Variants in CFAP61 observed in about 807,000 individuals in gnomAD.
CFAP61 encodes the protein cilia- and flagella-associated protein 61.
A neutral mutation model predicts 135.6 loss-of-function variants in CFAP61; 107 were observed. The ratio of observed to expected loss-of-function variants is 0.79; its 90% CI spans 0.67 to 0.93. CFAP61 has a LOEUF of 0.93. Ranked by LOEUF, CFAP61 falls within the 40% of genes least tolerant of loss-of-function variation. CFAP61 has a pLI of 0.00. For synonymous variants in CFAP61, 575 were observed against 578.5 expected (o/e 0.99, Z 0.09); for missense variants, 1,507 against 1,556.2 (o/e 0.97, Z 0.53).
intron 25 of CFAP61, among the ~76,000 whole-genome samples, chr20:20,318,542 C>T (rs1056663396): frequency 1.2e-4 from 19 of 152,190 alleles, no homozygotes; most frequent in Non-Finnish European, 1.9e-4. Context: ...TGATTTGAAA[C>T]GCCGTTGGCC....
intron 6 of CFAP61, among the ~76,000 whole-genome samples, chr20:20,084,650 G>A (rs543269428): frequency 6.6e-6 from 1 of 152,154 alleles, no homozygotes. Context: ...ATCAGGCTGC[G>A]AGGGAGAGTT....
chr20:20,212,971 G>C (rs1013890456), intron 17 of CFAP61, among the ~76,000 whole-genome samples: 1 of 152,172 alleles, frequency 6.6e-6, no homozygotes, highest in Admixed American at 6.5e-5. Context: ...GTGTCCGGTG[G>C]CAGCAAGTGC....
chr20:20,204,195 C>G (rs2056759382), intron 17 of CFAP61, among the ~76,000 whole-genome samples: 1 of 152,158 alleles, frequency 6.6e-6, no homozygotes, highest in Non-Finnish European at 1.5e-5. Flanking sequence ...ACCCTTCATC[C>G]TTCCTGAGCA....
intron 9 of CFAP61, among the ~76,000 whole-genome samples, chr20:20,156,719 AAT>A (rs1176435499): frequency 6.6e-6 from 1 of 152,218 alleles, no homozygotes; most frequent in African/African-American, 2.4e-5. Context: ...GTATAATAGC[AAT>A]GAACAATCAG....
At chr20:20,345,604 T>C (rs570847490) in intron 26 of CFAP61, among the ~76,000 whole-genome samples, 12 of 152,104 alleles carry the variant, frequency 7.9e-5, no homozygotes, top group African/African-American at 2.9e-4. Flanking sequence ...TTGTTAGAAG[T>C]CATCTGTTAT....
At chr20:20,059,726 C>G (rs946909697) in intron 2 of CFAP61, among the ~76,000 whole-genome samples, 1 of 152,052 alleles carries the variant, frequency 6.6e-6, no homozygotes, top group Non-Finnish European at 1.5e-5. Context: ...ATTAAAAGCT[C>G]TGTAGATGAA....
At chr20:20,066,000 AC>A (rs1451610426) in intron 2 of CFAP61, among the ~76,000 whole-genome samples, 2 of 150,428 alleles carry the variant, frequency 1.3e-5, no homozygotes, top group Non-Finnish European at 1.5e-5. Context: ...AAGAAAAAAA[AC>A]AACCCCATCA....
chr20:20,357,028 G>A (rs2059223296), intron 26 of CFAP61, among the ~76,000 whole-genome samples: 2 of 93,494 alleles, frequency 2.1e-5, no homozygotes, highest in Non-Finnish European at 2.3e-5. Flanking sequence ...GAGGGGAGGT[G>A]GTCACACTGA....
chr20:20,308,965 A>G (rs2056649709), intron 25 of CFAP61, among the ~76,000 whole-genome samples: 1 of 152,210 alleles, frequency 6.6e-6, no homozygotes, highest in East Asian at 1.9e-4. Context: ...GAACTCCAAG[A>G]AACAACGGAG....
chr20:20,299,835 C>T (rs747486436), intron 25 of CFAP61, among the ~76,000 whole-genome samples: 5 of 152,174 alleles, frequency 3.3e-5, no homozygotes, highest in Non-Finnish European at 7.3e-5. Flanking sequence ...CCATTACAAT[C>T]GGACGTTGTG....
rs141584553 is a variant in CFAP61 at position 20,182,872 on chromosome 20, G to A, written c.1386-5058G>A. On this transcript the variant is annotated intron_variant, in intron 13 of 26. Transcript: ENST00000245957. ...GCTTTAAAATGCAACAGGAGGAGAT[G>A]TGAAGACACAAAGAACAAGTGCATA... 7.2e-4 allele frequency among the ~76,000 whole-genome samples: 110 copies of A among 152,348 alleles called. 1 individual carries two copies. The highest frequency in any genetic ancestry group is 2.5e-3 in the African/African-American group (104 of 41,586).
chr20:20,075,461 G>T (rs2045984443), intron 5 of CFAP61, 28 bp from the exon 6 acceptor site: 3 of 1,610,986 alleles, frequency 1.9e-6, no homozygotes, highest in Non-Finnish European at 2.5e-6. Context: ...GATAAATAAG[G>T]ACATGTTTCT....
chr20:20,292,632 C>G (rs774926256), intron 24 of CFAP61, among the ~76,000 whole-genome samples: 1 of 152,124 alleles, frequency 6.6e-6, no homozygotes, highest in Non-Finnish European at 1.5e-5. Flanking sequence ...TTACTAAATC[C>G]GAAAGCTTGT....
At chr20:20,259,245 CTTTTTTTTTTTTTTT>C (rs3060665) in intron 20 of CFAP61, among the ~76,000 whole-genome samples, 2 of 75,944 alleles carry the variant, frequency 2.6e-5, no homozygotes, top group African/African-American at 5.5e-5. Flanking sequence ...GCCCTTCCAT[CTTTTTTTTTTTTTTT>C]TTTTTTTTTT....
chr20:20,356,365 G>A (rs1743425968), intron 26 of CFAP61, among the ~76,000 whole-genome samples: 1 of 148,564 alleles, frequency 6.7e-6, no homozygotes, highest in Admixed American at 6.7e-5. Flanking sequence ...AGGGGAAGTG[G>A]TCACACTGAG....
chr20:20,191,942 A>AT (rs1255031145), intron 15 of CFAP61, among the ~76,000 whole-genome samples: 1 of 152,008 alleles, frequency 6.6e-6, no homozygotes, highest in African/African-American at 2.4e-5. Context: ...GCCTATGTCT[A>AT]TTTTTAAACT....
At chr20:20,119,800 A>G (rs1600760885) in intron 8 of CFAP61, among the ~76,000 whole-genome samples, 1 of 152,168 alleles carries the variant, frequency 6.6e-6, no homozygotes, top group Middle Eastern at 3.4e-3. Flanking sequence ...TTTACCCTCC[A>G]CCATCCAGTA....
chr20:20,247,583 G>A (rs149841329), intron 19 of CFAP61, among the ~76,000 whole-genome samples: 50 of 152,268 alleles, frequency 3.3e-4, no homozygotes, highest in African/African-American at 9.9e-4. Flanking sequence ...TGAAAAAGTC[G>A]GCTCCTCACA....
chr20:20,122,344 A>T (rs1439020203), intron 8 of CFAP61, among the ~76,000 whole-genome samples: 1 of 152,058 alleles, frequency 6.6e-6, no homozygotes, highest in African/African-American at 2.4e-5. Context: ...TTTAGCAGAG[A>T]TGGGGTTTCA....
Sources: allele counts gnomAD v4.1 joint callset (sites outside exome capture counted in the v4.1 genomes callset), GRCh38; gene constraint gnomAD v4.1.1; transcripts MANE v1.5; gene names NCBI Gene and HGNC (gene_info 2026-07-23, HGNC 2026-07-21).